SCN7A: variants seen among roughly 807,000 people sequenced by gnomAD.
SCN7A encodes the protein sodium voltage-gated channel alpha subunit 7, also known as sodium channel protein type 7 subunit alpha.
A neutral mutation model predicts 155.2 loss-of-function variants in SCN7A; 138 were observed. The ratio of observed to expected loss-of-function variants is 0.89; its 90% CI spans 0.77 to 1.02. SCN7A has a LOEUF of 1.02. Ranked by LOEUF, SCN7A falls within the 50% of genes least tolerant of loss-of-function variation. The pLI, the probability that SCN7A is intolerant of heterozygous loss-of-function variation, is 0.00. For synonymous variants in SCN7A, 693 were observed against 649.0 expected, an observed-to-expected ratio of 1.07 and a Z score of -1.03; for missense variants, 2,058 against 1,986.6, an observed-to-expected ratio of 1.04 and a Z score of -0.68.
chr2:166,493,834 T>C (rs1350263562), intron 1 of SCN7A, 134 bp downstream of exon 1: 1 of 152,348 alleles, frequency 6.6e-6, no homozygotes, highest in Non-Finnish European at 1.5e-5. Flanking sequence ...CAATTTCAAA[T>C]CTCTGTCCTC....
At chr2:166,464,093 G>GTA (rs1046270523) in intron 9 of SCN7A, among the ~76,000 whole-genome samples, 9 of 149,000 alleles carry the variant, frequency 6.0e-5, no homozygotes, top group African/African-American at 1.7e-4. Flanking sequence ...ATATATATAT[G>GTA]TATATATATA....
rs914620179 is a variant in SCN7A at position 166,404,313 on chromosome 2, A to T, written c.*1267T>A. ...CTATTTATGCCTATCTTTAAAAAAC[A>T]ATTTCAATAGTGAAAACTAATGTTT... On this transcript the variant is annotated 3_prime_UTR_variant, in exon 26 of 26. Coordinates refer to ENST00000643258, the MANE Select transcript of SCN7A (RefSeq NM_002976.4). The T allele has an allele frequency of 2.0e-5, 3 of 151,980 alleles. No individual in the cohort carries two copies. In the East Asian group the frequency reaches 5.8e-4, roughly 29 times the overall value. 9.4% of individuals were successfully genotyped at this position (151,980 alleles called of 1,614,324 possible). A position where few individuals can be genotyped will look rare whatever the true frequency, so the allele number is the denominator to read the frequency against.
chr2:166,484,384 T>C (rs1462474389), intron 2 of SCN7A, among the ~76,000 whole-genome samples: 1 of 151,886 alleles, frequency 6.6e-6, no homozygotes, highest in African/African-American at 2.4e-5. Flanking sequence ...TAAATAGATA[T>C]ATTTATGTAC....
At chr2:166,409,243 C>T (rs1249854135) in intron 25 of SCN7A, among the ~76,000 whole-genome samples, 1 of 151,852 alleles carries the variant, frequency 6.6e-6, no homozygotes, top group African/African-American at 2.4e-5. Flanking sequence ...TTGTTAAAGC[C>T]TGAAACTCTA....
intron 11 of SCN7A, among the ~76,000 whole-genome samples, chr2:166,454,373 C>T (rs536543857): frequency 6.6e-6 from 1 of 152,198 alleles, no homozygotes; most frequent in African/African-American, 2.4e-5. Flanking sequence ...ACAACTGCTT[C>T]TTGTTCAATG....
chr2:166,439,930 T>A (rs7569250), intron 15 of SCN7A, among the ~76,000 whole-genome samples: 19,074 of 152,164 alleles, frequency 0.13, 1,322 homozygotes, highest in Middle Eastern at 0.16. Context: ...CCTGCGATTT[T>A]TTTTCAGTCT....
Position 166,405,951 on chromosome 2 carries a change from T to C in SCN7A, c.4678A>G (p.Ile1560Val), listed in dbSNP as rs1427217109. ...FMAKPNKGQL[I>V]ALDLPMAVGD... Reference sequence around the variant, plus strand: ...ACAGCCATGGGGAGGTCCAAAGCAATGAGCTGGCCCTTGTTTGGTTTTGCC... The same window carrying C: ...ACAGCCATGGGGAGGTCCAAAGCAACGAGCTGGCCCTTGTTTGGTTTTGCC... The change falls in exon 26 of 26, where the codon ATT (isoleucine) becomes GTT (valine). Residue 1560 changes from isoleucine to valine, a missense_variant. Coordinates refer to ENST00000643258, the MANE Select transcript of SCN7A (RefSeq NM_002976.4). The C allele has an allele frequency of 6.2e-7, 1 of 1,612,920 alleles. No homozygotes were observed. Among genetic ancestry groups the C allele is most frequent in the Admixed American group, 1.7e-5 (1 of 59,832 alleles).
At chr2:166,492,708 T>C (rs1270437015) in intron 1 of SCN7A, among the ~76,000 whole-genome samples, 1 of 152,192 alleles carries the variant, frequency 6.6e-6, no homozygotes, top group African/African-American at 2.4e-5. Flanking sequence ...TATGCTTATA[T>C]TGAATCAGAC....
At chr2:166,474,388 A>T (rs1303099846) in intron 3 of SCN7A, 44 bp from the exon 4 acceptor site, 2 of 821,862 alleles carry the variant, frequency 2.4e-6, no homozygotes, top group Admixed American at 5.4e-5. Context: ...ACTCAGAACC[A>T]TAATCTCATC....
chr2:166,462,267 C>A, intron 10 of SCN7A, 122 bp downstream of exon 10: 1 of 1,073,890 alleles, frequency 9.3e-7, no homozygotes, highest in Non-Finnish European at 1.3e-6. Flanking sequence ...GTTCTCTTTT[C>A]TTTTGTCTTC....
intron 2 of SCN7A, 57 bp from the exon 3 acceptor site, chr2:166,477,767 G>T (rs1220023037): frequency 3.6e-6 from 4 of 1,109,756 alleles, no homozygotes; most frequent in Admixed American, 3.3e-5. Flanking sequence ...AAGTACAAAA[G>T]ATTAGGATAC....
In SCN7A at chr2:166,465,598, T is replaced by G. The variant is rs1047629256; in HGVS notation, c.872-67A>C. The G allele has an allele frequency of 3.0e-6, 4 of 1,314,708 alleles. No individual in the cohort carries two copies. In the African/African-American group the frequency reaches 5.9e-5, roughly 19 times the overall value. The allele number at this position is 1,314,708 out of a possible 1,614,324, so 81.4% of individuals were successfully genotyped here. A position where few individuals can be genotyped will look rare whatever the true frequency, so the allele number is the denominator to read the frequency against. On this transcript the variant is annotated intron_variant, in intron 8 of 25. Coordinates refer to ENST00000643258, the MANE Select transcript of SCN7A (RefSeq NM_002976.4). Reference sequence around the variant, plus strand: ...AGTTAGCACCACAGTAGAAGTCCATTTGGATCTCTGCAGAAGCTAAAATAC... The same window carrying G: ...AGTTAGCACCACAGTAGAAGTCCATGTGGATCTCTGCAGAAGCTAAAATAC...
Position 166,462,501 on chromosome 2 carries a change from T to A in SCN7A, c.971A>T (p.Lys324Ile), listed in dbSNP as rs768291404. The A allele has an allele frequency of 2.3e-5, 37 of 1,613,700 alleles. No individual in the cohort carries two copies. Among genetic ancestry groups the A allele is most frequent in the Non-Finnish European group, 3.1e-5 (36 of 1,179,834 alleles). The part of the protein sequence containing the change: ...GQCPEGYVCV[K>I]AGINPDQGFT... ...GCCTTGATCAGGATTTATGCCAGCT[T>A]TTACACACACATATCCTTCAGGACA... Residue 324 changes from lysine (K) to isoleucine (I), a missense_variant, in exon 10 of 26, where the codon AAA becomes ATA. By Grantham distance (102) the Lys-to-Ile change is moderately radical. Coordinates refer to ENST00000643258, the MANE Select transcript of SCN7A (RefSeq NM_002976.4).
intron 18 of SCN7A, among the ~76,000 whole-genome samples, chr2:166,424,222 AT>A (rs1050991027): frequency 1.3e-5 from 2 of 152,112 alleles, no homozygotes; most frequent in African/African-American, 4.8e-5. Flanking sequence ...GTCCATAAAG[AT>A]TATAAAGTTC....
At chr2:166,486,411 C>A (rs1312005525) in intron 2 of SCN7A, among the ~76,000 whole-genome samples, 1 of 152,156 alleles carries the variant, frequency 6.6e-6, no homozygotes, top group East Asian at 1.9e-4. Flanking sequence ...ATGTACCAGA[C>A]CCTGGAAGGT....
At chr2:166,484,791 G>C (rs550160571) in intron 2 of SCN7A, among the ~76,000 whole-genome samples, 1 of 151,908 alleles carries the variant, frequency 6.6e-6, no homozygotes, top group Non-Finnish European at 1.5e-5. Context: ...TCTTAAAGGT[G>C]TCAAAGGGAA....
intron 4 of SCN7A, 134 bp from the exon 5 acceptor site, chr2:166,474,022 A>G (rs980299878): frequency 2.6e-5 from 14 of 528,902 alleles, no homozygotes; most frequent in African/African-American, 2.4e-4. Flanking sequence ...GTTAATATTT[A>G]CTATTGTTGT....
At chr2:166,475,119 T>TATAC (rs763878028) in intron 3 of SCN7A, among the ~76,000 whole-genome samples, 3,518 of 129,944 alleles carry the variant, frequency 0.027, 77 homozygotes, top group East Asian at 0.11. Context: ...TATATATATA[T>TATAC]ACATATATAT....
intron 11 of SCN7A, among the ~76,000 whole-genome samples, chr2:166,449,314 T>A (rs1034741234): frequency 1.3e-5 from 2 of 152,068 alleles, no homozygotes; most frequent in Non-Finnish European, 2.9e-5. Context: ...TAACTTGAGG[T>A]AAAGGCTGCT....
Sources: allele counts gnomAD v4.1 joint callset (sites outside exome capture counted in the v4.1 genomes callset), GRCh38; gene constraint gnomAD v4.1.1; transcripts MANE v1.5; gene names NCBI Gene and HGNC (gene_info 2026-07-23, HGNC 2026-07-21).